Variants in EPHA6 observed in about 807,000 individuals in gnomAD.
EPHA6 encodes ephrin type-A receptor 6.
A neutral mutation model predicts 112.0 loss-of-function variants in EPHA6; 50 were observed. The observed-to-expected ratio is 0.45, with a 90% CI of 0.36 to 0.56. The LOEUF (loss-of-function observed/expected upper bound fraction) is 0.56, where lower values mean the gene tolerates loss of function less well. Ranked by LOEUF, EPHA6 falls within the 20% of genes least tolerant of loss-of-function variation. EPHA6 has a pLI of 0.00. For missense variants in EPHA6, 1,280 were observed against 1,417.4 expected (o/e 0.90, Z 1.56); for synonymous variants, 529 against 490.7 (o/e 1.08, Z -1.03).
chr3:97,586,278 C>T (rs1040331154), intron 11 of EPHA6, among the ~76,000 whole-genome samples: 7 of 152,240 alleles, frequency 4.6e-5, no homozygotes, highest in Non-Finnish European at 7.3e-5. Context: ...GGCAGAGCAG[C>T]GTAGTCTGCC....
At chr3:97,455,110 G>T (rs1308046986) in intron 7 of EPHA6, among the ~76,000 whole-genome samples, 1 of 151,918 alleles carries the variant, frequency 6.6e-6, no homozygotes, top group African/African-American at 2.4e-5. Flanking sequence ...GGTAGCGAAG[G>T]CCCCTCATAA....
chr3:97,720,257 C>T lies in EPHA6; in HGVS notation c.2785-4C>T. ...AGCTAAGAAATCTCCAATTTGTTTT[C>T]CAGGGTGGAAAAATCCCCATAAGGT... On this transcript the variant is annotated splice_region_variant and splice_polypyrimidine_tract_variant and intron_variant, in intron 14 of 17. Coordinates refer to ENST00000389672, the MANE Select transcript of EPHA6 (RefSeq NM_001080448.3). 1.9e-6 allele frequency: 3 copies of T among 1,570,630 alleles called. No individual in the cohort carries two copies. Among genetic ancestry groups the T allele is most frequent in the Non-Finnish European group, 2.6e-6 (3 of 1,161,650 alleles).
intron 5 of EPHA6, among the ~76,000 whole-genome samples, chr3:97,298,137 A>G (rs1402949834): frequency 6.6e-6 from 1 of 152,236 alleles, no homozygotes; most frequent in African/African-American, 2.4e-5. Context: ...AGATTTTTAA[A>G]TCAAACGCAA....
chr3:97,123,738 T>A (rs1212557405), intron 3 of EPHA6, among the ~76,000 whole-genome samples: 1 of 152,250 alleles, frequency 6.6e-6, no homozygotes, highest in South Asian at 2.1e-4. Flanking sequence ...AGAAACCAAT[T>A]GCTAAATTTT....
intron 3 of EPHA6, among the ~76,000 whole-genome samples, chr3:96,993,471 G>T (rs62263735): frequency 1.4e-3 from 207 of 152,088 alleles, no homozygotes; most frequent in Admixed American, 3.9e-3. Context: ...CTGACCTCCT[G>T]ATCTGCCTGC....
chr3:97,056,687 A>G (rs1351641383), intron 3 of EPHA6, among the ~76,000 whole-genome samples: 1 of 152,222 alleles, frequency 6.6e-6, no homozygotes, highest in South Asian at 2.1e-4. Context: ...TGAATATAAA[A>G]TAGTAGAAGT....
At chr3:97,658,360 C>T (rs1024197124) in intron 14 of EPHA6, among the ~76,000 whole-genome samples, 8 of 151,754 alleles carry the variant, frequency 5.3e-5, no homozygotes, top group African/African-American at 1.9e-4. Flanking sequence ...ATGTATGTCC[C>T]TTCCATGGCA....
intron 3 of EPHA6, among the ~76,000 whole-genome samples, chr3:97,164,248 G>T (rs990121262): frequency 3.3e-5 from 5 of 152,122 alleles, no homozygotes; most frequent in African/African-American, 1.2e-4. Context: ...GATTGTGCTA[G>T]GGACTATCTA....
intron 3 of EPHA6, among the ~76,000 whole-genome samples, chr3:97,174,563 T>C (rs1368772118): frequency 2.0e-5 from 3 of 151,960 alleles, no homozygotes; most frequent in Non-Finnish European, 4.4e-5. Context: ...ACATTTGTTA[T>C]TGCTTGTCTT....
At position 97,377,044 on chromosome 3, in the gene EPHA6, A is replaced by G. The variant is rs115148484; in HGVS notation, c.1607-28106A>G. Among the ~76,000 whole-genome samples the G allele has an allele frequency of 6.2e-3, 946 of 152,284 alleles. 8 individuals carry two copies. The highest frequency in any genetic ancestry group is 0.021 in the African/African-American group (886 of 41,556). ...AAATATGATTCTCCTGCACTGTGTAATGCTAAATCTTGGAGATAATCCATT... is the reference window on the plus strand; with the variant it reads ...AAATATGATTCTCCTGCACTGTGTAGTGCTAAATCTTGGAGATAATCCATT... On this transcript the variant is annotated intron_variant, in intron 5 of 17. Transcript: ENST00000389672.
chr3:97,487,790 C>G (rs2091732731), intron 10 of EPHA6, among the ~76,000 whole-genome samples: 1 of 152,056 alleles, frequency 6.6e-6, no homozygotes, highest in Admixed American at 6.6e-5. Flanking sequence ...AAGTGAGCAG[C>G]TCTGTTGCAT....
At chr3:97,678,937 C>T (rs1008676554) in intron 14 of EPHA6, among the ~76,000 whole-genome samples, 1 of 152,138 alleles carries the variant, frequency 6.6e-6, no homozygotes, top group African/African-American at 2.4e-5. Context: ...GAGACCCAAT[C>T]TGAAACTCTA....
chr3:97,228,275 T>C (rs2078418275), intron 4 of EPHA6, among the ~76,000 whole-genome samples: 1 of 152,170 alleles, frequency 6.6e-6, no homozygotes, highest in Non-Finnish European at 1.5e-5. Flanking sequence ...ACTCGAGCAG[T>C]GTACACTGTA....
intron 2 of EPHA6, among the ~76,000 whole-genome samples, chr3:96,983,646 G>GT (rs895494800): frequency 2.6e-5 from 4 of 152,186 alleles, no homozygotes; most frequent in Non-Finnish European, 5.9e-5. Context: ...CCTGCAGAGT[G>GT]TTTTCCAACT....
chr3:96,873,031 G>A (rs1181962096), intron 2 of EPHA6, among the ~76,000 whole-genome samples: 1 of 151,802 alleles, frequency 6.6e-6, no homozygotes, highest in Non-Finnish European at 1.5e-5. Context: ...TGATTCTCAG[G>A]CCGAGGTGGG....
chr3:97,585,419 G>T (rs187706457), intron 11 of EPHA6, among the ~76,000 whole-genome samples: 2 of 151,978 alleles, frequency 1.3e-5, no homozygotes, highest in African/African-American at 4.8e-5. Context: ...TGTGATACGC[G>T]TTCTACAAGT....
chr3:97,624,893 A>T (rs2093843059), intron 13 of EPHA6, among the ~76,000 whole-genome samples: 2 of 151,486 alleles, frequency 1.3e-5, no homozygotes, highest in African/African-American at 4.8e-5. Context: ...ATTGGTAGTA[A>T]TATTACACCT....
intron 3 of EPHA6, among the ~76,000 whole-genome samples, chr3:97,164,961 T>C (rs1032803211): frequency 4.6e-5 from 7 of 152,222 alleles, no homozygotes; most frequent in African/African-American, 1.7e-4. Flanking sequence ...AGAATTCTTA[T>C]CAATAATCTT....
chr3:97,436,924 G>A (rs920095584), intron 6 of EPHA6, among the ~76,000 whole-genome samples: 1 of 152,028 alleles, frequency 6.6e-6, no homozygotes. Flanking sequence ...ATTTTATTGT[G>A]TATAATTAAG....
Sources: gnomAD v4.1 joint callset for allele counts (sites outside exome capture counted in the v4.1 genomes callset) on GRCh38, gnomAD v4.1.1 for gene constraint, MANE v1.5 for transcripts, NCBI Gene and HGNC (gene_info 2026-07-23, HGNC 2026-07-21) for gene names.